Variants in MYOM2 observed in about 807,000 individuals in gnomAD.
The protein encoded by MYOM2 is myomesin 2.
Under a neutral mutation model 187.6 loss-of-function variants are expected in MYOM2, and 254 were observed. That is an observed-to-expected ratio of 1.35 (90% confidence interval 1.22 to 1.50). The LOEUF (loss-of-function observed/expected upper bound fraction) is 1.50. Among genes scored for constraint, MYOM2 ranks in the 40% most tolerant of loss-of-function variants. The pLI, the probability that MYOM2 is intolerant of heterozygous loss-of-function variation, is 0.00. For synonymous variants in MYOM2, 981 were observed against 753.8 expected (o/e 1.30, Z -4.94); for missense variants, 2,796 against 1,924.0 (o/e 1.45, Z -8.48).
At chr8:2,080,989 G>A (rs1411449720) in intron 13 of MYOM2, among the ~76,000 whole-genome samples, 1 of 136,584 alleles carries the variant, frequency 7.3e-6, no homozygotes. Flanking sequence ...GGAACAGGCA[G>A]CCCAGCCCTT....
Position 2,086,387 on chromosome 8 carries a change from T to TGTCATGATCTCTGGCAC in MYOM2, c.1644+997_1644+998insGTCATGATCTCTGGCAC, listed in dbSNP as rs1796056888. Among the ~76,000 whole-genome samples the TGTCATGATCTCTGGCAC allele has an allele frequency of 1.4e-3, 6 of 4,166 alleles. 2 individuals are homozygous for TGTCATGATCTCTGGCAC. The highest frequency in any genetic ancestry group is 0.04 in the East Asian group (2 of 50). The allele number at this position is 4,166 out of a possible 152,430, so 2.7% of individuals were successfully genotyped here. A position where few individuals can be genotyped will look rare whatever the true frequency, so the allele number is the denominator to read the frequency against. The stretch of plus-strand genomic sequence containing the variant: ...CCACTGTTGTGATCTCTGCGTGGCC[T>TGTCATGATCTCTGGCAC]CCCACTGTTGTGATCTCTGCGTGGC... On this transcript the variant is annotated intron_variant, in intron 14 of 36. Transcript: ENST00000262113.
chr8:2,091,450 G>A (rs1550457), intron 15 of MYOM2, among the ~76,000 whole-genome samples: 140,320 of 152,226 alleles, frequency 0.92, 64,722 homozygotes, highest in East Asian at 1. Context: ...TAACTCCTTC[G>A]TGGATGGCAG....
chr8:2,084,795 T>A (rs966008374), intron 13 of MYOM2, among the ~76,000 whole-genome samples: 1 of 152,294 alleles, frequency 6.6e-6, no homozygotes, highest in South Asian at 2.1e-4. Flanking sequence ...AGTAGATGTG[T>A]CATTTAAGTG....
At position 2,143,117 on chromosome 8, in the gene MYOM2, C is replaced by T. The variant is rs138765349; in HGVS notation, c.4025-284C>T. On this transcript the variant is annotated intron_variant, in intron 35 of 36. Transcript: ENST00000262113. ...CGCGGCTCTCCAGGCCTTCCGTCCTCGGTGAATTCTTCACCCTTCAAGCCC... is the reference window on the plus strand; with the variant it reads ...CGCGGCTCTCCAGGCCTTCCGTCCTTGGTGAATTCTTCACCCTTCAAGCCC... 4.8e-3 allele frequency among the ~76,000 whole-genome samples: 725 copies of T among 152,202 alleles called. 14 individuals are homozygous for T. The highest frequency in any genetic ancestry group is 0.046 in the East Asian group (235 of 5,140).
rs1324497696 is a variant in MYOM2, at chr8:2,072,376, C to G, written c.825C>G (p.His275Gln). 1.3e-5 allele frequency: 21 copies of G among 1,613,678 alleles called. No homozygotes were observed. Among genetic ancestry groups the G allele is most frequent in the Non-Finnish European group, 1.5e-5 (18 of 1,179,716 alleles). ...TGTCATCGATGATTCCGTACACGCA[C>G]TTCGACGTCCAGTTTTTGGAGAAGT... ...LPLSSMIPYT[H>Q]FDVQFLEKFG... Residue 275 changes from histidine (H) to glutamine (Q), a missense_variant, in exon 9 of 37, where the codon CAC becomes CAG. Coordinates refer to ENST00000262113, the MANE Select transcript of MYOM2 (RefSeq NM_003970.4).
chr8:2,142,304 G>C (rs1048769900), intron 34 of MYOM2, 71 bp from the exon 35 acceptor site: 44 of 1,434,960 alleles, frequency 3.1e-5, no homozygotes, highest in Non-Finnish European at 3.7e-5. Context: ...CCTCTCAGCT[G>C]TGCATTTTGT....
intron 32 of MYOM2, among the ~76,000 whole-genome samples, chr8:2,133,125 A>T (rs753432553): frequency 6.6e-6 from 1 of 150,774 alleles, no homozygotes; most frequent in East Asian, 2.0e-4. Flanking sequence ...AGTTCTCTGC[A>T]TGTGTTCTGA....
At chr8:2,051,231 G>A (rs189038420) in intron 2 of MYOM2, among the ~76,000 whole-genome samples, 1 of 152,352 alleles carries the variant, frequency 6.6e-6, no homozygotes, top group Admixed American at 6.5e-5. Context: ...AAGGCTGTCG[G>A]TAGGAGAGAA....
At chr8:2,065,181 G>A (rs1372170355) in intron 6 of MYOM2, among the ~76,000 whole-genome samples, 3 of 152,202 alleles carry the variant, frequency 2.0e-5, no homozygotes, top group Admixed American at 2.0e-4. Context: ...CCCACAATGT[G>A]TTTATTATAT....
At chr8:2,057,997 GGTTTTTTTTTTTTTTTTTT>G (rs1818728721) in intron 5 of MYOM2, among the ~76,000 whole-genome samples, 5 of 113,170 alleles carry the variant, frequency 4.4e-5, no homozygotes, top group Admixed American at 1.1e-4. Context: ...TTTTTCAGAG[GGTTTTTTTTTTTTTTTTTT>G]TTTTTTTTTT....
intron 1 of MYOM2, among the ~76,000 whole-genome samples, chr8:2,046,916 G>C (rs1463119957): frequency 6.6e-6 from 1 of 152,054 alleles, no homozygotes; most frequent in Non-Finnish European, 1.5e-5. Context: ...AGTACAGGTT[G>C]ATCATTCCAA....
chr8:2,094,495 T>C (rs911235391), intron 17 of MYOM2, among the ~76,000 whole-genome samples: 1 of 151,910 alleles, frequency 6.6e-6, no homozygotes, highest in African/African-American at 2.4e-5. Context: ...CTACTGAAAA[T>C]ACAAAAATCA....
intron 32 of MYOM2, 43 bp downstream of exon 32, chr8:2,129,275 G>T: frequency 1.5e-6 from 2 of 1,371,428 alleles, no homozygotes; most frequent in Non-Finnish European, 2.1e-6. Flanking sequence ...CATAGATGGG[G>T]CTGTCCAGGG....
rs1344356223 is a variant in MYOM2 at position 2,086,910 on chromosome 8, T to C, written c.1644+1520T>C. Among the ~76,000 whole-genome samples, 6 of 151,934 alleles carry C rather than the reference T, an allele frequency of 3.9e-5. No individual in the cohort carries two copies. The East Asian group carries it at 1.2e-3, about 29-fold the overall frequency. ...AAATGCACACAAGACGCAGAAGGGTTAGACTCGCCAGATATCCAATAGAAA... is the reference window on the plus strand; with the variant it reads ...AAATGCACACAAGACGCAGAAGGGTCAGACTCGCCAGATATCCAATAGAAA... On this transcript the variant is annotated intron_variant, in intron 14 of 36. Transcript: ENST00000262113.
chr8:2,143,926 ACACATCGTGGAAGC>A (rs1468888791), intron 36 of MYOM2, among the ~76,000 whole-genome samples: 1 of 152,238 alleles, frequency 6.6e-6, no homozygotes, highest in Non-Finnish European at 1.5e-5. Flanking sequence ...TCATTGTGGA[ACACATCGTGGAAGC>A]CACTTATTGG....
chr8:2,082,991 C>T (rs4875918), intron 13 of MYOM2, among the ~76,000 whole-genome samples: 46,086 of 152,020 alleles, frequency 0.3, 8,445 homozygotes, highest in Middle Eastern at 0.41. Context: ...AGTAGCTGTG[C>T]GATCTTAGGA....
At chr8:2,131,949 C>A (rs1368146495) in intron 32 of MYOM2, among the ~76,000 whole-genome samples, 1 of 152,118 alleles carries the variant, frequency 6.6e-6, no homozygotes, top group African/African-American at 2.4e-5. Flanking sequence ...GGCCAATAGG[C>A]ATTTCTTTAA....
intron 32 of MYOM2, among the ~76,000 whole-genome samples, chr8:2,130,088 C>T (rs192866482): frequency 1.6e-4 from 24 of 151,598 alleles, no homozygotes; most frequent in East Asian, 7.8e-4. Context: ...GTACCCAGGG[C>T]GCCCACACCC....
At chr8:2,111,109 G>C (rs1010698881) in intron 25 of MYOM2, among the ~76,000 whole-genome samples, 2 of 152,182 alleles carry the variant, frequency 1.3e-5, no homozygotes, top group Non-Finnish European at 2.9e-5. Flanking sequence ...TTATTTGCGG[G>C]ATATCTTTTG....
Sources: allele counts gnomAD v4.1 joint callset (sites outside exome capture counted in the v4.1 genomes callset), GRCh38; gene constraint gnomAD v4.1.1; transcripts MANE v1.5; gene names NCBI Gene and HGNC (gene_info 2026-07-23, HGNC 2026-07-21).